LAMA2: variants seen among roughly 807,000 people sequenced by gnomAD.
The protein encoded by LAMA2 is laminin subunit alpha 2.
Under a neutral mutation model 364.8 loss-of-function variants are expected in LAMA2, and 269 were observed. The observed-to-expected ratio is 0.74, with a 90% CI of 0.67 to 0.82. The LOEUF is 0.82. Among genes scored for constraint, LAMA2 ranks in the 40% least tolerant of loss-of-function variants. The pLI is 0.00. For synonymous variants in LAMA2, 1,379 were observed against 1,370.6 expected (o/e 1.01, Z -0.14); for missense variants, 3,807 against 3,873.2 (o/e 0.98, Z 0.45).
chr6:129,467,177 A>T (rs948753347), intron 51 of LAMA2, among the ~76,000 whole-genome samples: 1 of 151,994 alleles, frequency 6.6e-6, no homozygotes, highest in African/African-American at 2.4e-5. Flanking sequence ...CAGCCATAAA[A>T]AAAGAAGGAA....
Position 129,005,749 on chromosome 6 carries a change from GATCT to G in LAMA2, c.113-44158_113-44155del, listed in dbSNP as rs202070788. Among the ~76,000 whole-genome samples, 1,415 of 150,126 alleles carry G rather than the reference GATCT, an allele frequency of 9.4e-3. 29 individuals carry two copies. Among genetic ancestry groups the G allele is most frequent in the African/African-American group, 0.033 (1,344 of 41,006 alleles). Reference sequence around the variant, plus strand: ...GTGTATGTGTGTGTATAATTTTTTGGATCTATCTATCTATGAGGATGACTGCCTT... The same window carrying G: ...GTGTATGTGTGTGTATAATTTTTTGGATCTATCTATGAGGATGACTGCCTT... On this transcript the variant is annotated intron_variant, in intron 1 of 64. Transcript: ENST00000421865.
chr6:129,423,370 C>G (rs773086404), intron 40 of LAMA2, among the ~76,000 whole-genome samples: 3 of 151,800 alleles, frequency 2.0e-5, no homozygotes, highest in Non-Finnish European at 4.4e-5. Context: ...AAAATAAGTA[C>G]AAATGTTTTT....
At chr6:129,391,071 T>TGGAA (rs1779290096) in intron 35 of LAMA2, among the ~76,000 whole-genome samples, 1 of 152,170 alleles carries the variant, frequency 6.6e-6, no homozygotes, top group Non-Finnish European at 1.5e-5. Context: ...TCACTGAGTG[T>TGGAA]ATTTCCACAC....
At chr6:129,508,209 C>T (rs1786262204) in intron 62 of LAMA2, among the ~76,000 whole-genome samples, 1 of 138,490 alleles carries the variant, frequency 7.2e-6, no homozygotes, top group Non-Finnish European at 1.6e-5. Context: ...ATAACCTCTA[C>T]ATAATAATTT....
At chr6:129,322,319 A>G (rs1369816132) in intron 28 of LAMA2, among the ~76,000 whole-genome samples, 1 of 152,250 alleles carries the variant, frequency 6.6e-6, no homozygotes, top group Non-Finnish European at 1.5e-5. Flanking sequence ...TGCTCTTTCC[A>G]ATATACATAT....
At position 129,271,121 on chromosome 6, in the gene LAMA2, G is replaced by A. The variant is rs1034743833; in HGVS notation, c.2450+370G>A. On this transcript the variant is annotated intron_variant, in intron 17 of 64. Transcript: ENST00000421865. The stretch of plus-strand genomic sequence containing the variant: ...ACCTTAATAAAAGGATATAAATACA[G>A]CTAATTTGGGTTCTACCCATACACT... Among the ~76,000 whole-genome samples, 21 of 151,992 alleles carry A rather than the reference G, an allele frequency of 1.4e-4. 1 individual carries two copies. The highest frequency in any genetic ancestry group is 4.8e-4 in the African/African-American group (20 of 41,388).
rs749041344 is a variant in LAMA2 at position 129,507,692 on chromosome 6, C to T, written c.8857+50C>T. The T allele has an allele frequency of 5.1e-6, 8 of 1,566,732 alleles. No homozygotes were observed. The South Asian group carries it at 5.6e-5, about 11-fold the overall frequency. On this transcript the variant is annotated intron_variant, in intron 62 of 64. Coordinates refer to ENST00000421865, the MANE Select transcript of LAMA2 (RefSeq NM_000426.4). ...GTTGATTATTAACTAGATACAAATA[C>T]TAACTTCTTGCTAGTACCAAATAAT...
intron 22 of LAMA2, among the ~76,000 whole-genome samples, chr6:129,310,067 T>C (rs955934010): frequency 1.5e-4 from 22 of 151,428 alleles, no homozygotes; most frequent in African/African-American, 5.1e-4. Flanking sequence ...GCCCGGCTAA[T>C]TTTTTGTATT....
At chr6:129,445,348 T>C (rs1039433858) in intron 44 of LAMA2, among the ~76,000 whole-genome samples, 8 of 152,228 alleles carry the variant, frequency 5.3e-5, no homozygotes, top group African/African-American at 1.9e-4. Context: ...AGTTCTATTC[T>C]GTAAAGGTTA....
chr6:129,050,354 G>A (rs1032446935), intron 2 of LAMA2, among the ~76,000 whole-genome samples: 2 of 152,166 alleles, frequency 1.3e-5, no homozygotes, highest in Non-Finnish European at 2.9e-5. Context: ...AGATACCAAA[G>A]TGGTTTCTGA....
chr6:128,933,527 A>G (rs1380977980), intron 1 of LAMA2, among the ~76,000 whole-genome samples: 1 of 152,192 alleles, frequency 6.6e-6, no homozygotes. Flanking sequence ...ATGCCTATTT[A>G]CATTCCCACC....
intron 17 of LAMA2, among the ~76,000 whole-genome samples, chr6:129,279,158 C>T (rs543652416): frequency 4.2e-4 from 64 of 152,236 alleles, no homozygotes; most frequent in African/African-American, 1.5e-3. Flanking sequence ...CCCTTTAAAA[C>T]GGTAGCGCAA....
chr6:129,237,100 G>GTT (rs766495436), intron 12 of LAMA2, among the ~76,000 whole-genome samples: 10 of 152,048 alleles, frequency 6.6e-5, no homozygotes, highest in Non-Finnish European at 1.0e-4. Flanking sequence ...TAAAATCAAT[G>GTT]TAACAGTTAT....
Position 129,433,610 on chromosome 6 carries a change from A to C in LAMA2, c.5969-5036A>C, listed in dbSNP as rs182663029. ...ATAAAAATTCCATTTGAGAAACTCA[A>C]CTGGATGGAATTTGAATAGTCAAAT... On this transcript the variant is annotated intron_variant, in intron 41 of 64. Transcript: ENST00000421865. Among the ~76,000 whole-genome samples, 674 of 152,316 alleles carry C rather than the reference A, an allele frequency of 4.4e-3. 2 individuals are homozygous for C. Among genetic ancestry groups the C allele is most frequent in the Middle Eastern group, 0.014 (4 of 294 alleles).
intron 22 of LAMA2, among the ~76,000 whole-genome samples, chr6:129,307,037 A>T (rs1463150804): frequency 6.6e-6 from 1 of 151,868 alleles, no homozygotes; most frequent in African/African-American, 2.4e-5. Context: ...TATACTTTTC[A>T]TTGTTGTGTA....
chr6:129,264,971 A>AGGCTAAG (rs1372220975), intron 15 of LAMA2, among the ~76,000 whole-genome samples: 2 of 152,164 alleles, frequency 1.3e-5, no homozygotes, highest in South Asian at 2.1e-4. Context: ...AAGTTATATG[A>AGGCTAAG]GGCTAAGAGG....
chr6:129,201,346 C>A (rs140961196), intron 12 of LAMA2, among the ~76,000 whole-genome samples: 1 of 152,130 alleles, frequency 6.6e-6, no homozygotes, highest in African/African-American at 2.4e-5. Flanking sequence ...ACCTGACCTG[C>A]ACAGAGAGAG....
chr6:129,030,485 A>T (rs1220938303), intron 1 of LAMA2, among the ~76,000 whole-genome samples: 1 of 152,166 alleles, frequency 6.6e-6, no homozygotes, highest in Non-Finnish European at 1.5e-5. Context: ...ACCCATCATT[A>T]CTAATCTTCC....
intron 40 of LAMA2, among the ~76,000 whole-genome samples, chr6:129,410,714 TTAGA>T (rs36203052): frequency 0.049 from 7,326 of 150,320 alleles, 237 homozygotes; most frequent in Admixed American, 0.094. Context: ...GATAGACAGA[TTAGA>T]TAGATAGATA....
Sources: gnomAD v4.1 joint callset for allele counts (sites outside exome capture counted in the v4.1 genomes callset) on GRCh38, gnomAD v4.1.1 for gene constraint, MANE v1.5 for transcripts, NCBI Gene and HGNC (gene_info 2026-07-23, HGNC 2026-07-21) for gene names.